GC: variants seen among roughly 807,000 people sequenced by gnomAD.
GC encodes vitamin D-binding protein.
GC carries 43 observed loss-of-function variants against 56.7 expected under a neutral mutation model. The ratio of observed to expected loss-of-function variants is 0.76; its 90% CI spans 0.59 to 0.98. The LOEUF (loss-of-function observed/expected upper bound fraction) is 0.98. Ranked by LOEUF, GC falls within the 50% of genes least tolerant of loss-of-function variation. GC has a pLI of 0.00. For missense variants in GC, 529 were observed against 545.9 expected (o/e 0.97, Z 0.31); for synonymous variants, 216 against 202.7 (o/e 1.07, Z -0.56).
In GC at chr4:71,746,260, AC is replaced by A. The variant is rs945073565; in HGVS notation, c.1396-56del. ...TTATGAAGTATTTCATTTGTAGGCT[AC>A]TAGATCATGCAGAAGGTATACAAAA... On this transcript the variant is annotated intron_variant, in intron 11 of 12. Coordinates refer to ENST00000273951, the MANE Select transcript of GC (RefSeq NM_000583.4). The A allele has an allele frequency of 9.8e-6, 8 of 819,126 alleles. No individual in the cohort carries two copies. The African/African-American group carries it at 1.2e-4, about 13-fold the overall frequency. 50.7% of individuals were successfully genotyped at this position (819,126 alleles called of 1,614,324 possible).
chr4:71,798,835 T>C (rs1743177008), intron 1 of GC, among the ~76,000 whole-genome samples: 1 of 152,176 alleles, frequency 6.6e-6, no homozygotes, highest in African/African-American at 2.4e-5. Context: ...ACTTAACTTG[T>C]AGTCTCTCTT....
chr4:71,780,423 A>G (rs28459715), intron 1 of GC, among the ~76,000 whole-genome samples: 19,689 of 152,100 alleles, frequency 0.13, 1,920 homozygotes, highest in East Asian at 0.39. Context: ...ACAGCAAAAG[A>G]AACTACCATC....
chr4:71,758,103 T>A lies in GC; in HGVS notation c.770A>T (p.Asp257Val). 6.2e-7 allele frequency: 1 copy of A among 1,613,590 alleles called. No homozygotes were observed. The highest frequency in any genetic ancestry group is 8.5e-7 in the Non-Finnish European group (1 of 1,179,580). The change falls in exon 7 of 13, where the codon GAT becomes GTT. Residue 257 changes from aspartate to valine, a missense_variant. Coordinates refer to ENST00000273951, the MANE Select transcript of GC (RefSeq NM_000583.4). ...DLEDVLPLAE[D>V]ITNILSKCCE... is the part of the protein sequence containing the mutation. The stretch of plus-strand genomic sequence containing the variant: ...GCATTTGGAGAGGATGTTAGTAATA[T>A]CTTCAGCTAGTGGCAAAACATCCTC...
intron 3 of GC, among the ~76,000 whole-genome samples, chr4:71,765,974 G>A (rs1290857776): frequency 6.6e-6 from 1 of 152,142 alleles, no homozygotes; most frequent in Non-Finnish European, 1.5e-5. Context: ...CATCTCTGAG[G>A]ATGAGAGGGT....
chr4:71,744,825 TG>T (rs756123556), intron 12 of GC, among the ~76,000 whole-genome samples: 22 of 150,956 alleles, frequency 1.5e-4, no homozygotes, highest in Admixed American at 2.0e-4. Flanking sequence ...TTCATTCAAA[TG>T]GGGGGAGGAT....
At chr4:71,791,358 G>A (rs1350701797) in intron 1 of GC, among the ~76,000 whole-genome samples, 1 of 151,810 alleles carries the variant, frequency 6.6e-6, no homozygotes, top group Non-Finnish European at 1.5e-5. Flanking sequence ...CTGTCCTGTG[G>A]GTAGTATTTT....
intron 10 of GC, among the ~76,000 whole-genome samples, chr4:71,753,135 T>G (rs1194092424): frequency 6.6e-6 from 1 of 152,190 alleles, no homozygotes; most frequent in Non-Finnish European, 1.5e-5. Context: ...TTCGCTCTTA[T>G]TTTTAGCTCT....
At chr4:71,771,281 T>C (rs561738342) in intron 1 of GC, among the ~76,000 whole-genome samples, 1 of 152,184 alleles carries the variant, frequency 6.6e-6, no homozygotes, top group South Asian at 2.1e-4. Flanking sequence ...AAATTTCTAT[T>C]TGATGGCTTG....
At chr4:71,801,555 C>G (rs962453268) in intron 1 of GC, among the ~76,000 whole-genome samples, 11 of 152,114 alleles carry the variant, frequency 7.2e-5, no homozygotes, top group African/African-American at 2.7e-4. Context: ...TCCTTACTCA[C>G]AGAAATCTCA....
intron 1 of GC, among the ~76,000 whole-genome samples, chr4:71,780,674 A>T (rs986753554): frequency 1.3e-5 from 2 of 152,144 alleles, no homozygotes; most frequent in Non-Finnish European, 2.9e-5. Context: ...GCAAATCAAA[A>T]CCACAATGAG....
At chr4:71,747,604 G>A (rs534476070) in intron 11 of GC, among the ~76,000 whole-genome samples, 78 of 152,214 alleles carry the variant, frequency 5.1e-4, no homozygotes, top group African/African-American at 1.7e-3. Context: ...TATTGTTGGC[G>A]TGCCTTTGTT....
At chr4:71,780,537 GA>G (rs201788452) in intron 1 of GC, among the ~76,000 whole-genome samples, 1 of 151,698 alleles carries the variant, frequency 6.6e-6, no homozygotes, top group East Asian at 1.9e-4. Flanking sequence ...AAATTTATAA[GA>G]AAAAAACAAA....
At chr4:71,782,032 C>T (rs1352844) in intron 1 of GC, among the ~76,000 whole-genome samples, 17,719 of 151,574 alleles carry the variant, frequency 0.12, 1,107 homozygotes, top group African/African-American at 0.14. Context: ...ACCTTTAGGA[C>T]GACAAAGGCA....
chr4:71,771,895 C>T (rs1224028776), intron 1 of GC, among the ~76,000 whole-genome samples: 3 of 152,202 alleles, frequency 2.0e-5, no homozygotes, highest in South Asian at 4.1e-4. Flanking sequence ...GCTGTACTTA[C>T]GATGTCAAGA....
chr4:71,793,994 C>T (rs1049575979), intron 1 of GC, among the ~76,000 whole-genome samples: 1 of 152,160 alleles, frequency 6.6e-6, no homozygotes, highest in Non-Finnish European at 1.5e-5. Flanking sequence ...CCTTGCATCC[C>T]AGGGATGAAG....
intron 1 of GC, among the ~76,000 whole-genome samples, chr4:71,799,495 T>G (rs1743196748): frequency 6.6e-6 from 1 of 152,184 alleles, no homozygotes; most frequent in Non-Finnish European, 1.5e-5. Context: ...GGCATGACAC[T>G]GCTGAGATTA....
intron 2 of GC, 73 bp downstream of exon 2, chr4:71,769,258 G>A (rs222016): frequency 0.81 from 924,230 of 1,138,650 alleles, 380,913 homozygotes; most frequent in South Asian, 0.85. Context: ...TCCATGCTGA[G>A]TCAAAGTTAC....
intron 7 of GC, among the ~76,000 whole-genome samples, 177 bp downstream of exon 7, chr4:71,757,865 A>C (rs925652554): frequency 6.6e-5 from 10 of 152,152 alleles, no homozygotes; most frequent in African/African-American, 2.2e-4. Flanking sequence ...GACCCTTACT[A>C]ATCTTCTGTT....
At chr4:71,793,970 T>C (rs1483823418) in intron 1 of GC, among the ~76,000 whole-genome samples, 4 of 152,260 alleles carry the variant, frequency 2.6e-5, no homozygotes, top group Admixed American at 2.6e-4. Flanking sequence ...ATTGATTTGC[T>C]TATGTTGAAC....
Sources: allele counts gnomAD v4.1 joint callset (sites outside exome capture counted in the v4.1 genomes callset), GRCh38; gene constraint gnomAD v4.1.1; transcripts MANE v1.5; gene names NCBI Gene and HGNC (gene_info 2026-07-23, HGNC 2026-07-21).